PCDH9: variants seen among roughly 807,000 people sequenced by gnomAD.
PCDH9 encodes protocadherin-9.
Under a neutral mutation model 70.6 loss-of-function variants are expected in PCDH9, and 24 were observed. The ratio of observed to expected loss-of-function variants is 0.34; its 90% CI spans 0.25 to 0.48. The LOEUF (loss-of-function observed/expected upper bound fraction) is 0.48. PCDH9 is among the 20% of genes least tolerant of loss of function. The pLI is 0.99. For synonymous variants in PCDH9, 562 were observed against 558.5 expected (o/e 1.01, Z -0.09); for missense variants, 1,281 against 1,503.6 (o/e 0.85, Z 2.45).
intron 4 of PCDH9, chr13:66,630,597 A>T (rs1362140949): frequency 6.6e-6 from 1 of 152,196 alleles, no homozygotes; most frequent in Non-Finnish European, 1.5e-5. Flanking sequence ...CTCCCTCAGC[A>T]TAGTAGTAAA....
intron 3 of PCDH9, among the ~76,000 whole-genome samples, chr13:66,717,483 ATATATATAT>A (rs2078885562): frequency 1.2e-3 from 23 of 19,324 alleles, no homozygotes; most frequent in Middle Eastern, 0.033. Context: ...AAAAAAAAAT[ATATATATAT>A]ATATATATAT....
rs915004729 is a variant in PCDH9 at position 66,864,910 on chromosome 13, A to G, written c.3138+38594T>C. Among the ~76,000 whole-genome samples the G allele has an allele frequency of 3.9e-5, 6 of 152,372 alleles. No individual in the cohort carries two copies. In the South Asian group the frequency reaches 1.2e-3, roughly 32 times the overall value. On this transcript the variant is annotated intron_variant, in intron 3 of 4. Coordinates refer to ENST00000377865, the MANE Select transcript of PCDH9 (RefSeq NM_203487.3). ...AGTACTAAGAAAGAAAGCCCAGCAC[A>G]TGTTCTCAATCACTTTGCCGTGGTG...
chr13:66,713,621 G>GTATATATATA (rs1415001060), intron 3 of PCDH9, among the ~76,000 whole-genome samples: 92 of 16,898 alleles, frequency 5.4e-3, no homozygotes, highest in Admixed American at 0.013. Flanking sequence ...AAGTGTGTGT[G>GTATATATATA]TGTGTATATA....
intron 3 of PCDH9, among the ~76,000 whole-genome samples, chr13:66,873,455 A>C (rs2081736090): frequency 6.6e-6 from 1 of 152,202 alleles, no homozygotes; most frequent in South Asian, 2.1e-4. Context: ...ACCAAGGACG[A>C]GAAGCTCTTT....
chr13:66,466,050 A>G (rs1417547842), intron 4 of PCDH9, among the ~76,000 whole-genome samples: 1 of 152,008 alleles, frequency 6.6e-6, no homozygotes, highest in Non-Finnish European at 1.5e-5. Flanking sequence ...CCTGGTTCTG[A>G]AATTACTTTT....
intron 4 of PCDH9, among the ~76,000 whole-genome samples, chr13:66,595,833 A>G (rs933866643): frequency 4.0e-5 from 6 of 151,848 alleles, no homozygotes; most frequent in African/African-American, 1.4e-4. Flanking sequence ...TAAACCCTGA[A>G]AAGATTGTAA....
chr13:66,998,767 T>G lies in PCDH9; in HGVS notation c.3037-95162A>C, dbSNP rs535407843. The stretch of plus-strand genomic sequence containing the variant: ...TATCAGTTCAGTTTCTCATCAATCT[T>G]CCACTCAGACTGTTGTAATTAAATT... On this transcript the variant is annotated intron_variant, in intron 2 of 4. Transcript: ENST00000377865. Among the ~76,000 whole-genome samples the G allele has an allele frequency of 5.3e-5, 8 of 152,322 alleles. No individual in the cohort carries two copies. In the South Asian group the frequency reaches 1.7e-3, roughly 32 times the overall value.
chr13:66,639,302 C>T (rs1174241222), intron 3 of PCDH9, among the ~76,000 whole-genome samples: 1 of 152,200 alleles, frequency 6.6e-6, no homozygotes, highest in Non-Finnish European at 1.5e-5. Context: ...GTGTGGAAAA[C>T]TCACATGGAC....
In PCDH9 at chr13:66,427,117, A is replaced by G. The variant is rs114280871; in HGVS notation, c.3341-122089T>C. On this transcript the variant is annotated intron_variant, in intron 4 of 4. Coordinates refer to ENST00000377865, the MANE Select transcript of PCDH9 (RefSeq NM_203487.3). ...AAATATTTTCCACATGAATGAAACA[A>G]CATTAAATATCAAGCTACTTTTTTT... Among the ~76,000 whole-genome samples, 429 of 151,780 alleles carry G rather than the reference A, an allele frequency of 2.8e-3. 3 individuals carry two copies. The highest frequency in any genetic ancestry group is 9.8e-3 in the African/African-American group (406 of 41,530).
At chr13:66,943,331 A>C (rs1187192143) in intron 2 of PCDH9, among the ~76,000 whole-genome samples, 4 of 151,898 alleles carry the variant, frequency 2.6e-5, no homozygotes, top group Non-Finnish European at 5.9e-5. Context: ...TTTTGGTTTT[A>C]GGCACAGTTG....
At chr13:66,439,092 T>A (rs143012432) in intron 4 of PCDH9, among the ~76,000 whole-genome samples, 1 of 152,300 alleles carries the variant, frequency 6.6e-6, no homozygotes, top group African/African-American at 2.4e-5. Context: ...AGAATGAGAT[T>A]AAATAGCTGT....
chr13:66,944,059 A>G (rs1016615639), intron 2 of PCDH9, among the ~76,000 whole-genome samples: 5 of 152,156 alleles, frequency 3.3e-5, no homozygotes, highest in African/African-American at 2.4e-5. Context: ...AATGATTAGT[A>G]AATAACTTTG....
At chr13:66,354,158 TA>T (rs1163058338) in intron 4 of PCDH9, among the ~76,000 whole-genome samples, 1 of 152,192 alleles carries the variant, frequency 6.6e-6, no homozygotes, top group African/African-American at 2.4e-5. Context: ...TCTCTTTTTT[TA>T]ACTTTACCCA....
intron 3 of PCDH9, among the ~76,000 whole-genome samples, chr13:66,777,697 T>A (rs1444317093): frequency 2.6e-5 from 4 of 152,158 alleles, no homozygotes; most frequent in Non-Finnish European, 5.9e-5. Context: ...TGTAAACTAG[T>A]TTCATCCCTT....
chr13:67,079,413 T>C lies in PCDH9; in HGVS notation c.3036+145992A>G, dbSNP rs71427633. Among the ~76,000 whole-genome samples, 1,195 of 152,274 alleles carry C rather than the reference T, an allele frequency of 7.8e-3. 10 individuals are homozygous for C. The highest frequency in any genetic ancestry group is 0.014 in the Middle Eastern group (4 of 294). ...CTTCTTTTTCTCTTGCCCAAATTCC[T>C]ATCTAAGGGACCTGGTTAGTGGTCA... On this transcript the variant is annotated intron_variant, in intron 2 of 4. Coordinates refer to ENST00000377865, the MANE Select transcript of PCDH9 (RefSeq NM_203487.3).
chr13:67,061,878 C>A (rs879578755), intron 2 of PCDH9, among the ~76,000 whole-genome samples: 1 of 152,032 alleles, frequency 6.6e-6, no homozygotes, highest in African/African-American at 2.4e-5. Context: ...AATCCAAAGG[C>A]AAAAGGACTG....
intron 2 of PCDH9, among the ~76,000 whole-genome samples, chr13:66,918,721 T>C (rs946581616): frequency 2.6e-5 from 4 of 151,402 alleles, no homozygotes; most frequent in Admixed American, 6.6e-5. Context: ...TCCCCACATA[T>C]CAAATGCATT....
chr13:66,495,235 A>G (rs1483382602), intron 4 of PCDH9, among the ~76,000 whole-genome samples: 2 of 152,180 alleles, frequency 1.3e-5, no homozygotes, highest in Non-Finnish European at 2.9e-5. Flanking sequence ...ATGTTTCAAT[A>G]TCTTCTTTGT....
chr13:67,052,311 G>A (rs752288527), intron 2 of PCDH9, among the ~76,000 whole-genome samples: 1 of 152,016 alleles, frequency 6.6e-6, no homozygotes, highest in African/African-American at 2.4e-5. Flanking sequence ...TAAGGGGTTA[G>A]GGAAAGGAAA....
Sources: gnomAD v4.1 joint callset for allele counts (sites outside exome capture counted in the v4.1 genomes callset) on GRCh38, gnomAD v4.1.1 for gene constraint, MANE v1.5 for transcripts, NCBI Gene and HGNC (gene_info 2026-07-23, HGNC 2026-07-21) for gene names.